The following FBRSL1 variants were observed in gnomAD, a reference collection of about 807,000 sequenced individuals.
FBRSL1 encodes the protein fibrosin like 1, also known as fibrosin-1-like protein.
A neutral mutation model predicts 89.6 loss-of-function variants in FBRSL1; 51 were observed. That is an observed-to-expected ratio of 0.57 (90% CI 0.45 to 0.72). The LOEUF (loss-of-function observed/expected upper bound fraction) is 0.72. Ranked by LOEUF, FBRSL1 falls within the 30% of genes least tolerant of loss-of-function variation. The probability of loss-of-function intolerance (pLI) is 0.00; values close to 1 mark genes in which losing one functional copy is unlikely to be tolerated. For missense variants in FBRSL1, 1,618 were observed against 1,451.8 expected, an observed-to-expected ratio of 1.11 and a Z score of -1.86; for synonymous variants, 779 against 681.1, an observed-to-expected ratio of 1.14 and a Z score of -2.24.
intron 5 of FBRSL1, among the ~76,000 whole-genome samples, chr12:132,558,343 C>T (rs556440744): frequency 9.2e-5 from 14 of 152,248 alleles, no homozygotes; most frequent in Non-Finnish European, 2.1e-4. Flanking sequence ...AGCAGCCACG[C>T]CAGCAGCACG....
At chr12:132,565,677 C>G (rs1308111424) in intron 5 of FBRSL1, 1 of 152,298 alleles carries the variant, frequency 6.6e-6, no homozygotes, top group Non-Finnish European at 1.5e-5. Flanking sequence ...GTGTACGTGC[C>G]CAAGCACAGG....
chr12:132,534,904 T>C (rs1279861944), intron 4 of FBRSL1, among the ~76,000 whole-genome samples: 1 of 152,210 alleles, frequency 6.6e-6, no homozygotes, highest in Non-Finnish European at 1.5e-5. Flanking sequence ...GTGCCGCCTT[T>C]CACCCCACCC....
At chr12:132,511,233 C>T in intron 2 of FBRSL1, 8 of 985,556 alleles carry the variant, frequency 8.1e-6, no homozygotes, top group Non-Finnish European at 9.6e-6. Flanking sequence ...CGTGGGCATG[C>T]ACTGAAGGGT....
chr12:132,523,548 T>C (rs891602544), intron 2 of FBRSL1, among the ~76,000 whole-genome samples: 1 of 152,068 alleles, frequency 6.6e-6, no homozygotes, highest in Non-Finnish European at 1.5e-5. Context: ...TCCTCACGGC[T>C]CAGCTGTGTG....
chr12:132,505,631 A>G (rs1281807499), intron 1 of FBRSL1, among the ~76,000 whole-genome samples: 1 of 152,108 alleles, frequency 6.6e-6, no homozygotes, highest in Non-Finnish European at 1.5e-5. Flanking sequence ...GACTGGGCAG[A>G]GTGGGGTGTT....
At chr12:132,581,240 C>A in intron 15 of FBRSL1, 199 bp from the exon 16 acceptor site, 1 of 981,318 alleles carries the variant, frequency 1.0e-6, no homozygotes, top group Non-Finnish European at 1.2e-6. Context: ...CACTGCGGCT[C>A]CAAGTCAAAC....
intron 5 of FBRSL1, among the ~76,000 whole-genome samples, chr12:132,559,704 CCTTT>C (rs1438810763): frequency 2.6e-5 from 4 of 152,312 alleles, no homozygotes; most frequent in Admixed American, 6.5e-5. Context: ...CGGCTGTCGC[CCTTT>C]CTGACTCAGT....
At chr12:132,504,493 G>A (rs1172267090) in intron 1 of FBRSL1, among the ~76,000 whole-genome samples, 5 of 152,144 alleles carry the variant, frequency 3.3e-5, no homozygotes, top group Admixed American at 1.3e-4. Flanking sequence ...GGGTGCTGGC[G>A]CCACTGCAGG....
intron 15 of FBRSL1, among the ~76,000 whole-genome samples, chr12:132,580,367 C>T (rs534539690): frequency 3.3e-5 from 5 of 152,202 alleles, no homozygotes; most frequent in Non-Finnish European, 7.3e-5. Context: ...GGATTACAGG[C>T]GTGAGCCACT....
At chr12:132,506,156 A>G (rs1393842803) in intron 1 of FBRSL1, among the ~76,000 whole-genome samples, 1 of 151,140 alleles carries the variant, frequency 6.6e-6, no homozygotes, top group African/African-American at 2.4e-5. Flanking sequence ...TGGGGGTCAG[A>G]CGGGACAGGA....
At position 132,574,161 on chromosome 12, in the gene FBRSL1, A is replaced by C; in HGVS notation, c.1599+3A>C. 1 of 1,413,990 alleles carries C rather than the reference A, an allele frequency of 7.1e-7. No homozygotes were observed. The highest frequency in any genetic ancestry group is 9.2e-7 in the Non-Finnish European group (1 of 1,088,234). The allele number at this position is 1,413,990 out of a possible 1,614,324, so 87.6% of individuals were successfully genotyped here. A position where few individuals can be genotyped will look rare whatever the true frequency, so the allele number is the denominator to read the frequency against. ...CACTCCTGCAGAAAGCGCCTGGGGT[A>C]GGTGTTAGTGGGCGCCCGTCCCCAC... On this transcript the variant is annotated splice_donor_region_variant and intron_variant, in intron 12 of 18. Transcript: ENST00000680143.
intron 4 of FBRSL1, among the ~76,000 whole-genome samples, chr12:132,532,202 C>G (rs2036347068): frequency 6.6e-6 from 1 of 152,158 alleles, no homozygotes; most frequent in African/African-American, 2.4e-5. Context: ...TGGTGGCAGC[C>G]CATGGTGAGG....
chr12:132,506,097 T>C (rs1185656985), intron 1 of FBRSL1, among the ~76,000 whole-genome samples: 3 of 151,980 alleles, frequency 2.0e-5, no homozygotes, highest in Non-Finnish European at 4.4e-5. Flanking sequence ...GCAGCACTTG[T>C]GAGCCCTGTC....
intron 17 of FBRSL1, 109 bp downstream of exon 17, chr12:132,581,933 T>C (rs2040783494): frequency 2.0e-5 from 25 of 1,280,856 alleles, no homozygotes; most frequent in Non-Finnish European, 2.6e-5. Flanking sequence ...CTCTCTGGGC[T>C]GGGCCTCCTT....
chr12:132,495,397 GC>G (rs1007299389), intron 1 of FBRSL1, among the ~76,000 whole-genome samples: 5 of 152,248 alleles, frequency 3.3e-5, no homozygotes, highest in Non-Finnish European at 7.3e-5. Flanking sequence ...TGTTGGTGGT[GC>G]CAGTGGGGGC....
At chr12:132,495,080 G>T (rs937814451) in intron 1 of FBRSL1, among the ~76,000 whole-genome samples, 2 of 152,224 alleles carry the variant, frequency 1.3e-5, no homozygotes, top group Non-Finnish European at 1.5e-5. Flanking sequence ...GTGGGCCTTG[G>T]CCAAGGGGAG....
In FBRSL1 at chr12:132,584,452, C is replaced by T. The variant is rs1231366148; in HGVS notation, c.*674C>T. On this transcript the variant is annotated 3_prime_UTR_variant, in exon 19 of 19. Transcript: ENST00000680143. ...CTTTATAAAAACCGTTTCCAGAAAC[C>T]CCTCTGGTTGTTTGTCTAACATGGT... The T allele has an allele frequency of 6.6e-6, 1 of 152,188 alleles. No homozygotes were observed. The highest frequency in any genetic ancestry group is 1.5e-5 in the Non-Finnish European group (1 of 68,046). 9.4% of individuals were successfully genotyped at this position (152,188 alleles called of 1,614,324 possible).
chr12:132,501,340 G>C (rs2032929435), intron 1 of FBRSL1, among the ~76,000 whole-genome samples: 1 of 152,178 alleles, frequency 6.6e-6, no homozygotes, highest in Admixed American at 6.5e-5. Flanking sequence ...TGTGGCTTTA[G>C]CGACACCTGG....
At position 132,576,789 on chromosome 12, in the gene FBRSL1, A is replaced by G. The variant is rs769418891; in HGVS notation, c.1702-10A>G. 631 of 1,549,434 alleles carry G rather than the reference A, an allele frequency of 4.1e-4. No homozygotes were observed. The highest frequency in any genetic ancestry group is 4.5e-4 in the Admixed American group (23 of 50,864). On this transcript the variant is annotated splice_polypyrimidine_tract_variant and intron_variant, in intron 14 of 18. Coordinates refer to ENST00000680143, the MANE Select transcript of FBRSL1 (RefSeq NM_001367871.1). Reference sequence around the variant, plus strand: ...CGGGCAGGCGGCCCTCACCCGTTCTATCCTCCCAGGAGATGCAGCTGGACC... The same window carrying G: ...CGGGCAGGCGGCCCTCACCCGTTCTGTCCTCCCAGGAGATGCAGCTGGACC...
Sources: gnomAD v4.1 joint callset for allele counts (sites outside exome capture counted in the v4.1 genomes callset) on GRCh38, gnomAD v4.1.1 for gene constraint, MANE v1.5 for transcripts, NCBI Gene and HGNC (gene_info 2026-07-23, HGNC 2026-07-21) for gene names.